Variants in LRP5 observed in about 807,000 individuals in gnomAD.
The protein encoded by LRP5 is low-density lipoprotein receptor-related protein 5.
In LRP5, 62 loss-of-function variants were observed where a neutral mutation model predicts 154.1. The ratio of observed to expected loss-of-function variants is 0.40; its 90% confidence interval spans 0.33 to 0.50. The LOEUF is 0.50. LRP5 is among the 20% of genes least tolerant of loss of function. The pLI, the probability that LRP5 is intolerant of heterozygous loss-of-function variation, is 0.55. For missense variants in LRP5, 1,915 were observed against 2,336.7 expected (o/e 0.82, Z 3.72); for synonymous variants, 966 against 1,011.5 (o/e 0.96, Z 0.85).
intron 16 of LRP5, among the ~76,000 whole-genome samples, chr11:68,428,943 A>AAAAAGAAAAAG (rs1226823081): frequency 6.3e-4 from 2 of 3,174 alleles, no homozygotes; most frequent in African/African-American, 2.4e-3. Flanking sequence ...AAAAAAAAAA[A>AAAAAGAAAAAG]AAAATTAGCC....
At chr11:68,357,542 A>G in intron 2 of LRP5, 108 bp from the exon 3 acceptor site, 1 of 1,039,144 alleles carries the variant, frequency 9.6e-7, no homozygotes, top group Non-Finnish European at 1.5e-6. Context: ...CCGATGGGTG[A>G]GATTTTAGGG....
At chr11:68,426,614 G>A (rs1591313843) in intron 16 of LRP5, among the ~76,000 whole-genome samples, 1 of 151,872 alleles carries the variant, frequency 6.6e-6, no homozygotes, top group African/African-American at 2.4e-5. Context: ...GTAGAGACGG[G>A]GTTTCCCCAT....
intron 5 of LRP5, among the ~76,000 whole-genome samples, chr11:68,371,088 G>A (rs190884173): frequency 6.7e-4 from 102 of 152,250 alleles, no homozygotes; most frequent in Non-Finnish European, 1.2e-3. Flanking sequence ...TGGCTCCTCC[G>A]TCTCCCTGCC....
intron 16 of LRP5, among the ~76,000 whole-genome samples, chr11:68,428,472 A>G (rs1027703280): frequency 2.0e-5 from 3 of 152,022 alleles, no homozygotes; most frequent in East Asian, 1.9e-4. Flanking sequence ...GGGAGGATCT[A>G]TTTGTTGGCC....
At chr11:68,380,020 CT>C (rs2098639433) in intron 5 of LRP5, among the ~76,000 whole-genome samples, 1 of 152,192 alleles carries the variant, frequency 6.6e-6, no homozygotes, top group Non-Finnish European at 1.5e-5. Context: ...GTAATCCCAG[CT>C]ACTCAGGAGG....
Position 68,423,516 on chromosome 11 carries a change from G to C in LRP5, c.3055G>C (p.Gly1019Arg). 1.2e-6 allele frequency: 2 copies of C among 1,614,200 alleles called. No homozygotes were observed. Among genetic ancestry groups the C allele is most frequent in the African/African-American group, 2.7e-5 (2 of 75,056 alleles). Residue 1019 changes from glycine to arginine, a missense_variant, in exon 14 of 23, where the codon GGC becomes CGC. By Grantham distance (125) the Gly-to-Arg change is moderately radical (BLOSUM62 -2). Around this residue, in one of 3 missense-constraint regions of LRP5, gnomAD observed 1,094 missense variants for 1,210.1 expected, o/e 0.90. Transcript: ENST00000294304. The surrounding 1 kb of genome is among the most constrained non-coding windows in gnomAD (Gnocchi z 4.7). ...QPFVLTSLSQ[G>R]QNPDRQPHDL... ...CTTTGTTTTGACCTCTCTGAGCCAA[G>C]GCCAAAACCCAGACAGGCAGCCCCA...
chr11:68,416,430 G>A lies in LRP5; in HGVS notation c.2930G>A (p.Arg977Lys). The stretch of plus-strand genomic sequence containing the variant: ...CTCATCCTGCCCCTGCATGGACTGA[G>A]GAACGTCAAAGCCATCGACTATGAC... ...PDLILPLHGL[R>K]NVKAIDYDPL... The change falls in exon 13 of 23, where the codon AGG (arginine) becomes AAG (lysine). Residue 977 changes from arginine (R) to lysine (K), a missense_variant. Physicochemically the swap from Arg to Lys is conservative, Grantham distance 26 (BLOSUM62 2). Coordinates refer to ENST00000294304, the MANE Select transcript of LRP5 (RefSeq NM_002335.4). 1 of 1,614,170 alleles carries A rather than the reference G, an allele frequency of 6.2e-7. No individual in the cohort carries two copies. The highest frequency in any genetic ancestry group is 8.5e-7 in the Non-Finnish European group (1 of 1,180,042).
intron 13 of LRP5, among the ~76,000 whole-genome samples, chr11:68,421,214 A>G (rs1016564594): frequency 1.3e-5 from 2 of 152,158 alleles, no homozygotes; most frequent in Non-Finnish European, 2.9e-5. Context: ...GCAACAGAGC[A>G]AGACTCCGTC....
chr11:68,388,307 CA>C (rs2098644134), intron 6 of LRP5, among the ~76,000 whole-genome samples: 1 of 152,104 alleles, frequency 6.6e-6, no homozygotes, highest in Non-Finnish European at 1.5e-5. Flanking sequence ...TCACTGTCTA[CA>C]TGGGCCTCGG....
intron 1 of LRP5, among the ~76,000 whole-genome samples, chr11:68,328,578 C>A (rs754497273): frequency 2.6e-5 from 4 of 152,180 alleles, no homozygotes; most frequent in Non-Finnish European, 5.9e-5. Flanking sequence ...TCGATGGAAA[C>A]CACGAGTCTG....
intron 5 of LRP5, among the ~76,000 whole-genome samples, chr11:68,368,503 G>A (rs2098632320): frequency 6.6e-6 from 1 of 152,254 alleles, no homozygotes; most frequent in Non-Finnish European, 1.5e-5. Context: ...GGTGAGCTCT[G>A]TTGTTGACCT....
intron 9 of LRP5, among the ~76,000 whole-genome samples, chr11:68,407,405 C>A (rs2098656353): frequency 6.6e-6 from 1 of 151,464 alleles, no homozygotes; most frequent in Non-Finnish European, 1.5e-5. Flanking sequence ...CTCCTGACCT[C>A]AGGTGATCTG....
chr11:68,355,477 C>T (rs2098622447), intron 2 of LRP5, among the ~76,000 whole-genome samples: 1 of 152,218 alleles, frequency 6.6e-6, no homozygotes, highest in Non-Finnish European at 1.5e-5. Context: ...TCTGCCAGCC[C>T]TTGTGTCCTG....
rs1209958917 is a variant in LRP5 at position 68,429,582 on chromosome 11, C to T, written c.3645C>T (p.His1215=). The T allele has an allele frequency of 1.9e-6, 3 of 1,614,172 alleles. No homozygotes were observed. Among genetic ancestry groups the T allele is most frequent in the South Asian group, 2.2e-5 (2 of 91,090 alleles). The change falls in exon 17 of 23, where the codon CAC becomes CAT. Residue 1215 remains histidine (H), a synonymous_variant. Transcript: ENST00000294304. ...EEVSLEEFSA[H]PCARDNGGCS... is the part of the protein sequence containing the mutation. ...CTTGTTTTGTCTTTGCAGCAGCCCA[C>T]CCATGTGCCCGTGACAATGGTGGCT...
At chr11:68,414,882 C>G (rs2098661634) in intron 12 of LRP5, among the ~76,000 whole-genome samples, 1 of 152,184 alleles carries the variant, frequency 6.6e-6, no homozygotes, top group Non-Finnish European at 1.5e-5. Flanking sequence ...TCTGGGACTT[C>G]CCATGCCTGG....
intron 1 of LRP5, among the ~76,000 whole-genome samples, chr11:68,330,098 C>T (rs1591181729): frequency 6.6e-6 from 1 of 152,296 alleles, no homozygotes; most frequent in Admixed American, 6.5e-5. Flanking sequence ...TCCACAGTTG[C>T]TAACTCAGGG....
Position 68,436,912 on chromosome 11 carries a change from C to T in LRP5, c.4024C>T (p.Arg1342Trp), listed in dbSNP as rs568426341. ...CDAICLPNQF[R>W]CASGQCVLIK... ...AGCCATCTGCCTGCCCAACCAGTTCCGGTGTGCGAGCGGCCAGTGTGTCCT... is the reference window on the plus strand; with the variant it reads ...AGCCATCTGCCTGCCCAACCAGTTCTGGTGTGCGAGCGGCCAGTGTGTCCT... Residue 1342 changes from arginine to tryptophan, a missense_variant, in exon 19 of 23, where the codon CGG becomes TGG. Physicochemically the swap from Arg to Trp is moderately radical, Grantham distance 101. Coordinates refer to ENST00000294304, the MANE Select transcript of LRP5 (RefSeq NM_002335.4). 9.3e-6 allele frequency: 15 copies of T among 1,613,772 alleles called. No homozygotes were observed. The highest frequency in any genetic ancestry group is 5.5e-5 in the South Asian group (5 of 91,086).
chr11:68,363,969 C>T (rs376818197), intron 4 of LRP5, 26 bp downstream of exon 4: 127 of 554,338 alleles, frequency 2.3e-4, no homozygotes, highest in Admixed American at 4.4e-4. Flanking sequence ...GGCGCGGGGG[C>T]GAGGGTGCGG....
chr11:68,425,988 C>T lies in LRP5; in HGVS notation c.3438C>T (p.Arg1146=), dbSNP rs2153174362. 1.2e-6 allele frequency: 2 copies of T among 1,611,596 alleles called. No homozygotes were observed. Among genetic ancestry groups the T allele is most frequent in the Non-Finnish European group, 1.7e-6 (2 of 1,180,020 alleles). ...ACGGGCTGCTTGCAGGGGCCAACCG[C>T]CTGACCCTGGAGGACGCCAACATCG... ...IESCDLSGAN[R]LTLEDANIVQ... is the part of the protein sequence containing the mutation. The change falls in exon 16 of 23, where the codon CGC becomes CGT. Residue 1146 remains arginine (R), a synonymous_variant. Transcript: ENST00000294304.
Sources: allele counts gnomAD v4.1 joint callset (sites outside exome capture counted in the v4.1 genomes callset), GRCh38; gene constraint gnomAD v4.1.1; regional missense constraint gnomAD v4.1.1; non-coding constraint Gnocchi (gnomAD v3.1); transcripts MANE v1.5; gene names NCBI Gene and HGNC (gene_info 2026-07-23, HGNC 2026-07-21).